The following PRDM16 variants were observed in gnomAD, a reference collection of about 807,000 sequenced individuals.
PRDM16 encodes histone-lysine N-methyltransferase PRDM16.
Under a neutral mutation model 110.6 loss-of-function variants are expected in PRDM16, and 23 were observed. That is an observed-to-expected ratio of 0.21 (90% CI 0.15 to 0.29). The LOEUF is 0.29. PRDM16 is among the 10% of genes least tolerant of loss of function. PRDM16 has a pLI of 1.00. For missense variants in PRDM16, 1,615 were observed against 1,794.3 expected (o/e 0.90, Z 1.81); for synonymous variants, 799 against 781.8 (o/e 1.02, Z -0.37).
intron 1 of PRDM16, among the ~76,000 whole-genome samples, chr1:3,094,232 C>T (rs952307456): frequency 6.6e-6 from 1 of 152,188 alleles, no homozygotes; most frequent in Admixed American, 6.5e-5. Context: ...GCTGGTGGCA[C>T]GGGGGCGCAC....
intron 1 of PRDM16, among the ~76,000 whole-genome samples, chr1:3,181,580 GGTCTTACATATGGTCTTACACATGCA>G (rs1281054056): frequency 3.4e-5 from 4 of 116,416 alleles, no homozygotes; most frequent in Non-Finnish European, 6.9e-5. Flanking sequence ...TCTTACACAC[GGTCTTACATATGGTCTTACACATGCA>G]GTCTTACACA....
chr1:3,261,427 AGACGG>A (rs1640162174), intron 3 of PRDM16, among the ~76,000 whole-genome samples: 1 of 152,156 alleles, frequency 6.6e-6, no homozygotes, highest in African/African-American at 2.4e-5. Context: ...TTTAGCTGCC[AGACGG>A]GGCTTCTGAT....
chr1:3,295,811 A>G (rs115611297), intron 3 of PRDM16, among the ~76,000 whole-genome samples: 2,872 of 152,198 alleles, frequency 0.019, 29 homozygotes, highest in Non-Finnish European at 0.031. Context: ...GGGAGAGTAA[A>G]TAACCCTGTG....
chr1:3,248,335 C>G (rs1639842686), intron 3 of PRDM16, among the ~76,000 whole-genome samples: 1 of 152,204 alleles, frequency 6.6e-6, no homozygotes, highest in South Asian at 2.1e-4. Context: ...TTCCTTCCCC[C>G]TCTTGAAAAG....
intron 1 of PRDM16, among the ~76,000 whole-genome samples, chr1:3,129,052 G>A (rs552279522): frequency 0.024 from 3,696 of 152,294 alleles, 154 homozygotes; most frequent in African/African-American, 0.085. Context: ...TCTGGTGCAT[G>A]TGTGTGTGGG....
At chr1:3,173,372 T>C (rs3819971) in intron 1 of PRDM16, among the ~76,000 whole-genome samples, 7,896 of 152,248 alleles carry the variant, frequency 0.052, 228 homozygotes, top group Admixed American at 0.072. Context: ...GGCGAGGAAA[T>C]ACAGGATGCG....
intron 3 of PRDM16, among the ~76,000 whole-genome samples, chr1:3,276,439 G>A (rs1307925918): frequency 6.6e-6 from 1 of 152,324 alleles, no homozygotes; most frequent in South Asian, 2.1e-4. Context: ...GCTCGTGCCC[G>A]GCCCTGAGCT....
intron 3 of PRDM16, among the ~76,000 whole-genome samples, chr1:3,287,909 C>T (rs1374897426): frequency 6.6e-6 from 1 of 152,254 alleles, no homozygotes; most frequent in Non-Finnish European, 1.5e-5. Context: ...TGGAGCCTCG[C>T]ACACCCTCAG....
chr1:3,399,381 G>A (rs1158012420), intron 5 of PRDM16, among the ~76,000 whole-genome samples: 1 of 152,202 alleles, frequency 6.6e-6, no homozygotes, highest in East Asian at 1.9e-4. Context: ...CCGAGAAAGT[G>A]AAAATGCCAT....
chr1:3,336,987 C>CTG (rs370611745), intron 3 of PRDM16, among the ~76,000 whole-genome samples: 1 of 145,498 alleles, frequency 6.9e-6, no homozygotes, highest in Admixed American at 6.9e-5. Context: ...TGGTGTGAAT[C>CTG]TGTGTGTGCA....
chr1:3,159,986 C>A (rs767927495), intron 1 of PRDM16, among the ~76,000 whole-genome samples: 4 of 152,226 alleles, frequency 2.6e-5, no homozygotes, highest in African/African-American at 9.6e-5. Flanking sequence ...TCATCCACCG[C>A]GTATCTGAAA....
intron 1 of PRDM16, among the ~76,000 whole-genome samples, chr1:3,155,613 C>T (rs1643848485): frequency 6.6e-6 from 1 of 152,280 alleles, no homozygotes; most frequent in Non-Finnish European, 1.5e-5. Context: ...CGCAGGCTCC[C>T]AGCACGGCCG....
At chr1:3,212,771 T>C (rs1638928616) in intron 2 of PRDM16, among the ~76,000 whole-genome samples, 1 of 151,644 alleles carries the variant, frequency 6.6e-6, no homozygotes, top group Non-Finnish European at 1.5e-5. Context: ...AGCACCTGCA[T>C]TTCCGCCGCT....
At position 3,186,485 on chromosome 1, in the gene PRDM16, G is replaced by A. The variant is rs748135291; in HGVS notation, c.387+11G>A. ...GACTTCGGATGGGAGGTGAGCGATC[G>A]CGCCTGAGTATGATTGATCACGGCC... is the stretch of plus-strand genomic sequence containing the variant. On this transcript the variant is annotated intron_variant, in intron 2 of 16. Transcript: ENST00000270722. 2.4e-5 allele frequency: 35 copies of A among 1,461,670 alleles called. No homozygotes were observed. Among genetic ancestry groups the A allele is most frequent in the South Asian group, 9.4e-5 (7 of 74,594 alleles). The allele number at this position is 1,461,670 out of a possible 1,614,324, so 90.5% of individuals were successfully genotyped here.
rs1051902768 is a variant in PRDM16 at position 3,201,551 on chromosome 1, C to T, written c.387+15077C>T. 6.6e-6 allele frequency among the ~76,000 whole-genome samples: 1 copy of T among 152,224 alleles called. No individual in the cohort carries two copies. The highest frequency in any genetic ancestry group is 2.4e-5 in the African/African-American group (1 of 41,470). ...GGAATGATGTCAGCTGTGGGGAGGA[C>T]AGGAGGGCCACCCGGGGCAGCTGCC... On this transcript the variant is annotated intron_variant, in intron 2 of 16. Transcript: ENST00000270722. The surrounding 1 kb of genome is among the most constrained non-coding windows in gnomAD (Gnocchi z 4.1).
intron 3 of PRDM16, among the ~76,000 whole-genome samples, chr1:3,284,971 C>T (rs968611386): frequency 5.9e-5 from 9 of 152,198 alleles, no homozygotes; most frequent in African/African-American, 2.2e-4. Context: ...CCTCTGGGCC[C>T]GGGCTTTCGG....
rs1226592148 is a variant in PRDM16 at position 3,434,206 on chromosome 1, G to T, written c.*395G>T. The T allele has an allele frequency of 4.0e-6, 1 of 250,474 alleles. No individual in the cohort carries two copies. The highest frequency in any genetic ancestry group is 7.7e-6 in the Non-Finnish European group (1 of 130,076). The allele number at this position is 250,474 out of a possible 1,614,324, so 15.5% of individuals were successfully genotyped here. A position where few individuals can be genotyped will look rare whatever the true frequency, so the allele number is the denominator to read the frequency against. On this transcript the variant is annotated 3_prime_UTR_variant, in exon 17 of 17. Coordinates refer to ENST00000270722, the MANE Select transcript of PRDM16 (RefSeq NM_022114.4). ...GATAGACTGGTGTGCTCAAAAGAGA[G>T]AGATCACTCAAATGATTTTTATAAT... is the stretch of plus-strand genomic sequence containing the variant.
intron 16 of PRDM16, among the ~76,000 whole-genome samples, chr1:3,433,395 G>T (rs1034362621): frequency 1.3e-5 from 2 of 152,248 alleles, no homozygotes; most frequent in African/African-American, 4.8e-5. Context: ...GGCTGGGAAC[G>T]GACGAGGCTT....
In PRDM16 at chr1:3,385,178, G is replaced by C. The variant is rs1216812494; in HGVS notation, c.465G>C (p.Lys155Asn). 1 of 1,613,692 alleles carries C rather than the reference G, an allele frequency of 6.2e-7. No homozygotes were observed. Residue 155 changes from lysine to asparagine, a missense_variant, in exon 4 of 17, where the codon AAG becomes AAC. Physicochemically the swap from Lys to Asn is moderately conservative, Grantham distance 94. Coordinates refer to ENST00000270722, the MANE Select transcript of PRDM16 (RefSeq NM_022114.4). ...TCTCCGAAGACCTGGGCAGTGAGAA[G>C]TTCTGCGTGGATGCAAATCAGGCGG... ...TKISEDLGSE[K>N]FCVDANQAGA...
Sources: allele counts gnomAD v4.1 joint callset (sites outside exome capture counted in the v4.1 genomes callset), GRCh38; gene constraint gnomAD v4.1.1; non-coding constraint Gnocchi (gnomAD v3.1); transcripts MANE v1.5; gene names NCBI Gene and HGNC (gene_info 2026-07-23, HGNC 2026-07-21).